The following U2AF2 variants were observed in gnomAD, a reference collection of about 807,000 sequenced individuals.
U2AF2 encodes the protein U2 small nuclear RNA auxiliary factor 2, also known as splicing factor U2AF 65 kDa subunit.
A neutral mutation model predicts 52.6 loss-of-function variants in U2AF2; 6 were observed. The observed-to-expected ratio is 0.11, with a 90% confidence interval of 0.06 to 0.23. The LOEUF (loss-of-function observed/expected upper bound fraction) is 0.23. Among genes scored for constraint, U2AF2 ranks in the 10% least tolerant of loss-of-function variants. The pLI is 1.00. For synonymous variants in U2AF2, 284 were observed against 258.2 expected (o/e 1.10, Z -0.96); for missense variants, 222 against 677.1 (o/e 0.33, Z 7.46).
At position 55,658,329 on chromosome 19, in the gene U2AF2, C is replaced by T. The variant is rs1205345139; in HGVS notation, c.50-881C>T. On this transcript the variant is annotated intron_variant, in intron 1 of 11. Transcript: ENST00000308924. ...CCCATGCTCATGGTTTATCCTCCAT[C>T]TTGAAGGGCCGGTCTCTCTTCAGGG... Among the ~76,000 whole-genome samples, 13 of 134,320 alleles carry T rather than the reference C, an allele frequency of 9.7e-5. No individual in the cohort carries two copies. In the Admixed American group the frequency reaches 1.1e-3, roughly 11 times the overall value. 88.1% of individuals were successfully genotyped at this position (134,320 alleles called of 152,430 possible).
At chr19:55,660,297 G>A (rs546800422) in intron 3 of U2AF2, 76 bp downstream of exon 3, 116 of 1,522,176 alleles carry the variant, frequency 7.6e-5, no homozygotes, top group Admixed American at 2.5e-4. Flanking sequence ...ACCCTGTCCC[G>A]CCCATTTCCA....
At chr19:55,661,265 C>A in intron 5 of U2AF2, 76 bp downstream of exon 5, 20 of 1,393,210 alleles carry the variant, frequency 1.4e-5, no homozygotes, top group Non-Finnish European at 1.9e-5. Context: ...ATTCCCTTTC[C>A]CCAACCTGCA....
intron 1 of U2AF2, among the ~76,000 whole-genome samples, chr19:55,657,107 G>T (rs1415451008): frequency 6.6e-6 from 1 of 152,266 alleles, no homozygotes; most frequent in Non-Finnish European, 1.5e-5. Flanking sequence ...ACCAAGTGGA[G>T]CTGATTGGGC....
At chr19:55,664,979 G>A (rs310439) in intron 7 of U2AF2, among the ~76,000 whole-genome samples, 149,777 of 152,268 alleles carry the variant, frequency 0.98, 73,674 homozygotes, top group African/African-American at 1. Flanking sequence ...CAGTCTCCCA[G>A]AGTGTTGGGA....
intron 7 of U2AF2, among the ~76,000 whole-genome samples, chr19:55,665,660 G>A (rs1054177042): frequency 4.6e-5 from 7 of 152,088 alleles, no homozygotes; most frequent in South Asian, 2.1e-4. Context: ...TTTTTGTTGT[G>A]TTTTTTGAGA....
At chr19:55,655,879 C>G (rs1051315328) in intron 1 of U2AF2, among the ~76,000 whole-genome samples, 8 of 152,204 alleles carry the variant, frequency 5.3e-5, no homozygotes, top group Non-Finnish European at 1.0e-4. Flanking sequence ...TTTTGGCGGT[C>G]CCGAGAATCG....
chr19:55,673,693 G>C (rs1212394016), intron 11 of U2AF2, among the ~76,000 whole-genome samples: 3 of 152,168 alleles, frequency 2.0e-5, no homozygotes, highest in Admixed American at 2.0e-4. Context: ...CTGAGTTTCT[G>C]GCATGTCTCT....
chr19:55,661,393 GTCTCCCCTCCCCC>G, intron 5 of U2AF2: 1 of 480,510 alleles, frequency 2.1e-6, no homozygotes, highest in Non-Finnish European at 3.5e-6. Context: ...CCCCTCTCCC[GTCTCCCCTCCCCC>G]CAACCTCCTC....
intron 4 of U2AF2, among the ~76,000 whole-genome samples, 185 bp downstream of exon 4, chr19:55,660,804 C>T (rs888481813): frequency 2.6e-5 from 4 of 152,030 alleles, no homozygotes; most frequent in Non-Finnish European, 4.4e-5. Flanking sequence ...CAGAGACACC[C>T]GTGGTTGACA....
At chr19:55,670,901 T>TC (rs1186294016) in intron 11 of U2AF2, among the ~76,000 whole-genome samples, 3 of 152,104 alleles carry the variant, frequency 2.0e-5, no homozygotes, top group Non-Finnish European at 2.9e-5. Flanking sequence ...AGGATGTGGA[T>TC]CAGCAGGAGG....
chr19:55,673,833 C>T, intron 11 of U2AF2, 101 bp from the exon 12 acceptor site: 8 of 1,490,426 alleles, frequency 5.4e-6, no homozygotes, highest in Non-Finnish European at 6.3e-6. Context: ...GAAGCCCCCT[C>T]CTCCCTGTCC....
intron 5 of U2AF2, 23 bp from the exon 6 acceptor site, chr19:55,662,479 C>CAG: frequency 6.9e-7 from 1 of 1,457,200 alleles, no homozygotes; most frequent in Non-Finnish European, 9.4e-7. Context: ...CGCCCCCCCC[C>CAG]TTGTCTCCTA....
chr19:55,666,038 G>A (rs1259409703), intron 7 of U2AF2, among the ~76,000 whole-genome samples: 3 of 152,248 alleles, frequency 2.0e-5, no homozygotes, highest in Non-Finnish European at 4.4e-5. Context: ...GGGCCTTGGG[G>A]AATAGGAACC....
Position 55,668,622 on chromosome 19 carries a change from A to ACCCCCCCCCCCCCCCT in U2AF2, c.822+40_822+41insCCCCCCCCCCCTCCCC. 1 of 724,294 alleles carries ACCCCCCCCCCCCCCCT rather than the reference A, an allele frequency of 1.4e-6. No individual in the cohort carries two copies. The highest frequency in any genetic ancestry group is 2.2e-6 in the Non-Finnish European group (1 of 459,350). 44.9% of individuals were successfully genotyped at this position (724,294 alleles called of 1,614,324 possible). ...TGCCTCCCTCCAGACCCGTCCCCCC[A>ACCCCCCCCCCCCCCCT]CCCCGCCCCACCTCATCCCAGCCCT... On this transcript the variant is annotated intron_variant, in intron 8 of 11. Coordinates refer to ENST00000308924, the MANE Select transcript of U2AF2 (RefSeq NM_007279.3). The surrounding 1 kb of genome is among the most constrained non-coding windows in gnomAD (Gnocchi z 5.5).
In U2AF2 at chr19:55,667,308, TG is replaced by T. The variant is rs777098928; in HGVS notation, c.743-1196del. ...TTCCTTCCCAGCATCAGGATGGAGGTGGGATGGGGCCACTCACACTTGGTGT... is the reference window on the plus strand; with the variant it reads ...TTCCTTCCCAGCATCAGGATGGAGGTGGATGGGGCCACTCACACTTGGTGT... On this transcript the variant is annotated intron_variant, in intron 7 of 11. Coordinates refer to ENST00000308924, the MANE Select transcript of U2AF2 (RefSeq NM_007279.3). Among the ~76,000 whole-genome samples the T allele has an allele frequency of 2.3e-4, 35 of 151,408 alleles. No individual in the cohort carries two copies. The East Asian group carries it at 4.1e-3, about 18-fold the overall frequency.
At chr19:55,662,015 C>G (rs552064847) in intron 5 of U2AF2, 1 of 160,458 alleles carries the variant, frequency 6.2e-6, no homozygotes, top group East Asian at 1.9e-4. Flanking sequence ...TCGCTCGTCT[C>G]TGTCCTGCTC....
At chr19:55,663,579 C>T (rs758353091) in intron 6 of U2AF2, 27 bp from the exon 7 acceptor site, 3 of 1,609,372 alleles carry the variant, frequency 1.9e-6, no homozygotes, top group African/African-American at 1.3e-5. Context: ...ACCCCCATCC[C>T]TCACCACTCC....
chr19:55,657,540 C>T (rs906100359), intron 1 of U2AF2, among the ~76,000 whole-genome samples: 2 of 152,204 alleles, frequency 1.3e-5, no homozygotes, highest in African/African-American at 4.8e-5. Context: ...GCCTTAGCAG[C>T]AGAAAGGGCT....
chr19:55,663,776 TC>T, intron 7 of U2AF2, 32 bp downstream of exon 7: 1 of 1,612,758 alleles, frequency 6.2e-7, no homozygotes, highest in Non-Finnish European at 8.5e-7. Flanking sequence ...GGCCCCTTTC[TC>T]CCCCAGTCCT....
Sources: gnomAD v4.1 joint callset for allele counts (sites outside exome capture counted in the v4.1 genomes callset) on GRCh38, gnomAD v4.1.1 for gene constraint, Gnocchi (gnomAD v3.1) non-coding constraint, MANE v1.5 for transcripts, NCBI Gene and HGNC (gene_info 2026-07-23, HGNC 2026-07-21) for gene names.